The following PRMT7 variants were observed in gnomAD, a reference collection of about 807,000 sequenced individuals.
PRMT7 encodes protein arginine methyltransferase 7, also known as protein arginine N-methyltransferase 7.
In PRMT7, 75 loss-of-function variants were observed where a neutral mutation model predicts 85.4. That is an observed-to-expected ratio of 0.88 (90% CI 0.73 to 1.06). The LOEUF is 1.06. Ranked by LOEUF, PRMT7 falls within the 50% of genes least tolerant of loss-of-function variation. PRMT7 has a pLI of 0.00. For synonymous variants in PRMT7, 397 were observed against 359.5 expected (o/e 1.10, Z -1.18); for missense variants, 868 against 915.2 (o/e 0.95, Z 0.67).
At chr16:68,324,933 G>A in intron 5 of PRMT7, 101 bp downstream of exon 5, 1 of 1,477,566 alleles carries the variant, frequency 6.8e-7, no homozygotes, top group Middle Eastern at 2.4e-4. Flanking sequence ...TTCATGGAGT[G>A]CTCACTCTGT....
intron 1 of PRMT7, chr16:68,311,331 C>T: frequency 6.4e-6 from 2 of 310,830 alleles, no homozygotes; most frequent in South Asian, 5.5e-5. Flanking sequence ...TGTCGCAGTA[C>T]TCGTGCCTGG....
intron 7 of PRMT7, among the ~76,000 whole-genome samples, chr16:68,338,172 G>A (rs1841317623): frequency 6.6e-6 from 1 of 152,108 alleles, no homozygotes; most frequent in Non-Finnish European, 1.5e-5. Flanking sequence ...GTATAGGGCT[G>A]GAGGTTGCGG....
At chr16:68,337,212 A>G (rs2084827104) in intron 6 of PRMT7, among the ~76,000 whole-genome samples, 1 of 151,964 alleles carries the variant, frequency 6.6e-6, no homozygotes, top group Non-Finnish European at 1.5e-5. Flanking sequence ...GCAGTACAGT[A>G]AACACTTATG....
At chr16:68,356,917 T>C in intron 18 of PRMT7, 120 bp downstream of exon 18, 1 of 1,364,650 alleles carries the variant, frequency 7.3e-7, no homozygotes, top group Non-Finnish European at 1.0e-6. Flanking sequence ...GGCCAGATGA[T>C]GACCCCTCAG....
In PRMT7 at chr16:68,358,002, C is replaced by T. The variant is rs957086634; in HGVS notation, c.*778C>T. 2 of 152,370 alleles carry T rather than the reference C, an allele frequency of 1.3e-5. No individual in the cohort carries two copies. Among genetic ancestry groups the T allele is most frequent in the East Asian group, 1.9e-4 (1 of 5,200 alleles). The allele number at this position is 152,370 out of a possible 1,614,324, so 9.4% of individuals were successfully genotyped here. ...GGCAGGGAGCAGCCCCTGCCCAGCG[C>T]CGCTTCACCAGGAAGGTCAGTAGGT... On this transcript the variant is annotated 3_prime_UTR_variant, in exon 19 of 19. Coordinates refer to ENST00000441236, the MANE Select transcript of PRMT7 (RefSeq NM_019023.5).
intron 14 of PRMT7, 115 bp downstream of exon 14, chr16:68,348,546 C>A: frequency 1.5e-6 from 1 of 669,420 alleles, no homozygotes; most frequent in Non-Finnish European, 2.5e-6. Context: ...CCTCCACATG[C>A]AACCTTACCT....
At position 68,348,619 on chromosome 16, in the gene PRMT7, G is replaced by A. The variant is rs182551459; in HGVS notation, c.1413+188G>A. ...TCATGGAGCTGCCCGGTGAGCAGAT[G>A]GTTGCACTGCTCTTTTTTTTTTTTT... On this transcript the variant is annotated intron_variant, in intron 14 of 18. Transcript: ENST00000441236. Among the ~76,000 whole-genome samples the A allele has an allele frequency of 5.4e-5, 8 of 146,824 alleles. No individual in the cohort carries two copies. In the East Asian group the frequency reaches 1.4e-3, roughly 26 times the overall value.
At chr16:68,341,483 C>T (rs1201028227) in intron 9 of PRMT7, among the ~76,000 whole-genome samples, 1 of 152,182 alleles carries the variant, frequency 6.6e-6, no homozygotes, top group Non-Finnish European at 1.5e-5. Flanking sequence ...GATCTCAGCT[C>T]ACTGCAACCT....
Position 68,355,839 on chromosome 16 carries a change from G to T in PRMT7, c.1767G>T (p.Val589=). The change falls in exon 17 of 19, where the codon GTG becomes GTT. Residue 589 remains valine, a synonymous_variant. Transcript: ENST00000441236. Reference sequence around the variant, plus strand: ...TGACCTTTGACTTCCAGCAGCCGGTGCCCCTGCAGCCCCTGTGTGCCGAGG... The same window carrying T: ...TGACCTTTGACTTCCAGCAGCCGGTTCCCCTGCAGCCCCTGTGTGCCGAGG... The part of the protein sequence containing the change: ...QILTFDFQQP[V]PLQPLCAEGT... 6.2e-7 allele frequency: 1 copy of T among 1,608,592 alleles called. No individual in the cohort carries two copies.
At chr16:68,333,337 C>T (rs963224874) in intron 6 of PRMT7, among the ~76,000 whole-genome samples, 2 of 151,930 alleles carry the variant, frequency 1.3e-5, no homozygotes, top group Non-Finnish European at 2.9e-5. Flanking sequence ...CAAAATTAGT[C>T]AGGTGTGGTG....
chr16:68,339,230 A>T, intron 7 of PRMT7, 92 bp from the exon 8 acceptor site: 1 of 1,540,080 alleles, frequency 6.5e-7, no homozygotes, highest in Non-Finnish European at 8.8e-7. Context: ...AACCAACCTA[A>T]TGTTAAGGAA....
At chr16:68,312,225 A>ATTTTTT (rs1411942990) in intron 2 of PRMT7, 49 bp downstream of exon 2, 5 of 57,218 alleles carry the variant, frequency 8.7e-5, no homozygotes, top group African/African-American at 3.3e-4. Context: ...ATATATATAT[A>ATTTTTT]TATATTTTTT....
intron 11 of PRMT7, among the ~76,000 whole-genome samples, 187 bp from the exon 12 acceptor site, chr16:68,347,024 C>T (rs1282406188): frequency 1.3e-5 from 2 of 151,726 alleles, no homozygotes; most frequent in Non-Finnish European, 1.5e-5. Context: ...ACACTGGGGA[C>T]AGGTGGGGAG....
chr16:68,334,472 T>G (rs2084365410), intron 6 of PRMT7, among the ~76,000 whole-genome samples: 1 of 152,204 alleles, frequency 6.6e-6, no homozygotes, highest in Admixed American at 6.5e-5. Context: ...TTCATCTTGG[T>G]TCTCCTGTGT....
At chr16:68,351,981 T>G (rs1024806923) in intron 14 of PRMT7, 6 of 350,450 alleles carry the variant, frequency 1.7e-5, no homozygotes, top group Non-Finnish European at 3.2e-5. Flanking sequence ...TCTGCTCTCC[T>G]GAGCACGGGA....
At chr16:68,354,652 G>A (rs2088003025) in intron 16 of PRMT7, 1 of 152,520 alleles carries the variant, frequency 6.6e-6, no homozygotes, top group Non-Finnish European at 1.5e-5. Flanking sequence ...TGCGTGCTCT[G>A]GACCCATGCG....
At chr16:68,337,680 C>T (rs1314534006) in intron 7 of PRMT7, 109 bp downstream of exon 7, 13 of 523,036 alleles carry the variant, frequency 2.5e-5, no homozygotes, top group South Asian at 9.4e-5. Flanking sequence ...ACCTCTGATA[C>T]ACCTGGGACA....
At chr16:68,353,599 G>T in intron 16 of PRMT7, 33 bp downstream of exon 16, 1 of 1,509,204 alleles carries the variant, frequency 6.6e-7, no homozygotes, top group Admixed American at 2.2e-5. Flanking sequence ...TAGTACCCCC[G>T]ACCTGCTCCT....
At position 68,341,791 on chromosome 16, in the gene PRMT7, G is replaced by A. The variant is rs530480968; in HGVS notation, c.927+1823G>A. 2.9e-4 allele frequency among the ~76,000 whole-genome samples: 44 copies of A among 152,304 alleles called. No individual in the cohort carries two copies. In the South Asian group the frequency reaches 3.3e-3, roughly 11 times the overall value. ...TCATCAGACAGAAACGTAAAAACCC[G>A]AAAAGACATTTCAAAGGGTCAATCT... On this transcript the variant is annotated intron_variant, in intron 9 of 18. Coordinates refer to ENST00000441236, the MANE Select transcript of PRMT7 (RefSeq NM_019023.5).
Sources: allele counts gnomAD v4.1 joint callset (sites outside exome capture counted in the v4.1 genomes callset), GRCh38; gene constraint gnomAD v4.1.1; transcripts MANE v1.5; gene names NCBI Gene and HGNC (gene_info 2026-07-23, HGNC 2026-07-21).